The following PARD3 variants were observed in gnomAD, a reference collection of about 807,000 sequenced individuals.
PARD3 encodes partitioning defective 3 homolog.
Under a neutral mutation model 155.4 loss-of-function variants are expected in PARD3, and 75 were observed. The ratio of observed to expected loss-of-function variants is 0.48; its 90% CI spans 0.40 to 0.58. PARD3 has a LOEUF of 0.58. Ranked by LOEUF, PARD3 falls within the 20% of genes least tolerant of loss-of-function variation. PARD3 has a pLI of 0.00. For missense variants in PARD3, 1,642 were observed against 1,721.7 expected (o/e 0.95, Z 0.82); for synonymous variants, 576 against 610.5 (o/e 0.94, Z 0.83).
chr10:34,272,074 T>G, intron 21 of PARD3, among the ~76,000 whole-genome samples: 1 of 152,166 alleles, frequency 6.6e-6, no homozygotes, highest in East Asian at 1.9e-4. Flanking sequence ...AAAATAGTTT[T>G]TTCAACCAAT....
chr10:34,610,081 T>C (rs941157986), intron 2 of PARD3, among the ~76,000 whole-genome samples: 17 of 152,208 alleles, frequency 1.1e-4, no homozygotes, highest in African/African-American at 3.9e-4. Flanking sequence ...TGGTTATTCA[T>C]GATAGATTCA....
intron 2 of PARD3, among the ~76,000 whole-genome samples, chr10:34,529,149 C>T (rs759025866): frequency 2.0e-5 from 3 of 152,170 alleles, no homozygotes; most frequent in South Asian, 2.1e-4. Context: ...AAAAAGAGTT[C>T]GAGGCTAACT....
intron 22 of PARD3, among the ~76,000 whole-genome samples, chr10:34,237,360 T>G (rs1953298894): frequency 6.6e-6 from 1 of 152,204 alleles, no homozygotes; most frequent in Non-Finnish European, 1.5e-5. Context: ...CTTCAGTGTA[T>G]TTGCATAAAT....
chr10:34,738,193 A>T (rs2094949335), intron 1 of PARD3, among the ~76,000 whole-genome samples: 1 of 152,234 alleles, frequency 6.6e-6, no homozygotes, highest in Non-Finnish European at 1.5e-5. Flanking sequence ...ATGCTAGACT[A>T]ACCATCCTAC....
chr10:34,636,424 C>T (rs367681927), intron 2 of PARD3, among the ~76,000 whole-genome samples: 1 of 152,236 alleles, frequency 6.6e-6, no homozygotes, highest in African/African-American at 2.4e-5. Context: ...CGTTAATTCA[C>T]TGGGTGCCCC....
At chr10:34,131,696 G>A (rs1250800408) in intron 22 of PARD3, 113 bp from the exon 23 acceptor site, 10 of 918,506 alleles carry the variant, frequency 1.1e-5, no homozygotes, top group Non-Finnish European at 1.7e-5. Flanking sequence ...AAGAGAAAGT[G>A]AATTTTTAAA....
intron 9 of PARD3, among the ~76,000 whole-genome samples, chr10:34,381,579 TG>T (rs1841829262): frequency 6.6e-6 from 1 of 151,976 alleles, no homozygotes; most frequent in South Asian, 2.1e-4. Flanking sequence ...AAATACATAA[TG>T]GATGGAAGAT....
chr10:34,583,825 A>T (rs552672544), intron 2 of PARD3, among the ~76,000 whole-genome samples: 1 of 152,318 alleles, frequency 6.6e-6, no homozygotes, highest in South Asian at 2.1e-4. Flanking sequence ...TGTTCTTTAC[A>T]ATTTTCTATC....
intron 22 of PARD3, among the ~76,000 whole-genome samples, chr10:34,244,349 C>T (rs770270159): frequency 1.3e-5 from 2 of 152,138 alleles, no homozygotes; most frequent in African/African-American, 2.4e-5. Context: ...CAAAATGTTG[C>T]GCCTAGTTAA....
intron 1 of PARD3, among the ~76,000 whole-genome samples, chr10:34,765,186 C>A: frequency 6.6e-6 from 1 of 152,070 alleles, no homozygotes; most frequent in Admixed American, 6.5e-5. Context: ...ATACTTCCGT[C>A]CAAAGAAAAA....
chr10:34,715,757 G>A (rs745807469), intron 1 of PARD3, among the ~76,000 whole-genome samples: 10 of 152,160 alleles, frequency 6.6e-5, no homozygotes, highest in South Asian at 2.1e-4. Flanking sequence ...TGGCAGGCAC[G>A]GAACAAGATG....
intron 19 of PARD3, among the ~76,000 whole-genome samples, chr10:34,321,653 T>C (rs1427764798): frequency 6.6e-6 from 1 of 152,214 alleles, no homozygotes; most frequent in Non-Finnish European, 1.5e-5. Flanking sequence ...GGCAGAGTCA[T>C]TCTGCAATTA....
chr10:34,125,071 C>CTTTTTTTTTTT lies in PARD3; in HGVS notation c.3541-5342_3541-5332dup, dbSNP rs71523316. Among the ~76,000 whole-genome samples the CTTTTTTTTTTT allele has an allele frequency of 5.0e-3, 708 of 140,522 alleles. 24 individuals carry two copies. The highest frequency in any genetic ancestry group is 0.019 in the African/African-American group (665 of 35,804). The allele number at this position is 140,522 out of a possible 152,430, so 92.2% of individuals were successfully genotyped here. A position where few individuals can be genotyped will look rare whatever the true frequency, so the allele number is the denominator to read the frequency against. ...GGCTTATCTCCAGGTCTATTTCTTT[C>CTTTTTTTTTTT]TTTTTTTTTTTTTGAGACGGAGTCT... On this transcript the variant is annotated intron_variant, in intron 23 of 24. Transcript: ENST00000374788.
At position 34,742,762 on chromosome 10, in the gene PARD3, A is replaced by G. The variant is rs112310523; in HGVS notation, c.121-46343T>C. On this transcript the variant is annotated intron_variant, in intron 1 of 24. Coordinates refer to ENST00000374788, the MANE Select transcript of PARD3 (RefSeq NM_001184785.2). ...CCTTAATTTTGCATTGTTTGCAATT[A>G]TCTGTAAAAACTAATTTTTCAAAAG... 6.0e-3 allele frequency among the ~76,000 whole-genome samples: 911 copies of G among 152,320 alleles called. 10 individuals carry two copies. The highest frequency in any genetic ancestry group is 0.021 in the African/African-American group (887 of 41,564).
chr10:34,319,141 T>A (rs1958216327), intron 19 of PARD3, among the ~76,000 whole-genome samples: 1 of 144,630 alleles, frequency 6.9e-6, no homozygotes, highest in South Asian at 2.2e-4. Flanking sequence ...CAGGCTGGAG[T>A]ACAGTGGTGT....
intron 2 of PARD3, among the ~76,000 whole-genome samples, chr10:34,606,662 A>G (rs1449729072): frequency 2.5e-5 from 3 of 121,694 alleles, no homozygotes; most frequent in African/African-American, 9.5e-5. Flanking sequence ...AAAAAAAAAA[A>G]GTCTGTCTAT....
At chr10:34,492,013 T>C (rs1350719241) in intron 3 of PARD3, among the ~76,000 whole-genome samples, 3 of 152,172 alleles carry the variant, frequency 2.0e-5, no homozygotes, top group Non-Finnish European at 4.4e-5. Context: ...AATCATTTCC[T>C]TGGAAATGAT....
intron 21 of PARD3, among the ~76,000 whole-genome samples, chr10:34,279,983 C>G (rs1956085085): frequency 6.6e-6 from 1 of 152,186 alleles, no homozygotes; most frequent in Non-Finnish European, 1.5e-5. Flanking sequence ...CCAAGCACAA[C>G]TTACTATGCA....
intron 5 of PARD3, 35 bp from the exon 6 acceptor site, chr10:34,401,952 G>C (rs746931457): frequency 4.7e-6 from 7 of 1,493,360 alleles, no homozygotes; most frequent in Non-Finnish European, 6.5e-6. Flanking sequence ...AGTACACTCT[G>C]TGTTAGGTTT....
Sources: gnomAD v4.1 joint callset for allele counts (sites outside exome capture counted in the v4.1 genomes callset) on GRCh38, gnomAD v4.1.1 for gene constraint, MANE v1.5 for transcripts, NCBI Gene and HGNC (gene_info 2026-07-23, HGNC 2026-07-21) for gene names.